The following ATP2C2 variants were observed in gnomAD, a reference collection of about 807,000 sequenced individuals.
ATP2C2 encodes ATPase secretory pathway Ca2+ transporting 2.
ATP2C2 carries 171 observed loss-of-function variants against 110.8 expected under a neutral mutation model. The ratio of observed to expected loss-of-function variants is 1.54; its 90% CI spans 1.36 to 1.75. The LOEUF is 1.75. ATP2C2 is among the 40% of genes most tolerant of loss of function. The pLI is 0.00. For missense variants in ATP2C2, 1,963 were observed against 1,235.0 expected, an observed-to-expected ratio of 1.59 and a Z score of -8.84; for synonymous variants, 804 against 508.4, an observed-to-expected ratio of 1.58 and a Z score of -7.82.
chr16:84,461,337 AT>A, intron 24 of ATP2C2: 3 of 326,880 alleles, frequency 9.2e-6, no homozygotes, highest in Non-Finnish European at 1.7e-5. Flanking sequence ...CCCTGCCTCC[AT>A]TTTCCCTCCA....
chr16:84,409,213 A>C (rs999921408), intron 4 of ATP2C2, among the ~76,000 whole-genome samples: 10 of 152,094 alleles, frequency 6.6e-5, no homozygotes, highest in Non-Finnish European at 1.3e-4. Flanking sequence ...AAAACTAAAC[A>C]CTGCATGATC....
intron 1 of ATP2C2, among the ~76,000 whole-genome samples, chr16:84,384,712 T>C (rs1904298045): frequency 6.6e-6 from 1 of 152,204 alleles, no homozygotes; most frequent in Admixed American, 6.5e-5. Context: ...TGAATGGTGA[T>C]TTTCTAATTC....
chr16:84,458,862 T>A (rs1026789840), intron 21 of ATP2C2, among the ~76,000 whole-genome samples: 9 of 152,142 alleles, frequency 5.9e-5, no homozygotes, highest in African/African-American at 1.9e-4. Context: ...CATGGTCTGA[T>A]TGGAGGCATC....
intron 7 of ATP2C2, among the ~76,000 whole-genome samples, chr16:84,422,161 G>A (rs1054722342): frequency 2.0e-5 from 3 of 151,966 alleles, no homozygotes; most frequent in African/African-American, 7.3e-5. Context: ...TCAAAATTTC[G>A]AACAACATTA....
intron 1 of ATP2C2, among the ~76,000 whole-genome samples, chr16:84,378,019 C>T (rs751563307): frequency 1.7e-4 from 26 of 152,138 alleles, no homozygotes; most frequent in Non-Finnish European, 2.2e-4. Flanking sequence ...TTGTTTGGCC[C>T]ACCTTGAAAC....
chr16:84,410,784 G>A lies in ATP2C2; in HGVS notation c.515+19G>A. 1 of 1,610,928 alleles carries A rather than the reference G, an allele frequency of 6.2e-7. No individual in the cohort carries two copies. The highest frequency in any genetic ancestry group is 8.5e-7 in the Non-Finnish European group (1 of 1,177,258). On this transcript the variant is annotated intron_variant, in intron 6 of 26. Transcript: ENST00000262429. ...GTAACTGGTAAGTCAGAGCCTCCCT[G>A]GGACTTTTTGGTTCACTGGAGGAGC...
At chr16:84,371,690 A>C (rs1252051868) in intron 1 of ATP2C2, among the ~76,000 whole-genome samples, 1 of 152,180 alleles carries the variant, frequency 6.6e-6, no homozygotes, top group African/African-American at 2.4e-5. Context: ...CCATCTCTTA[A>C]GTGAGGCAGG....
intron 1 of ATP2C2, among the ~76,000 whole-genome samples, chr16:84,370,551 G>C (rs755263186): frequency 2.0e-5 from 3 of 152,134 alleles, no homozygotes; most frequent in Non-Finnish European, 2.9e-5. Context: ...TGCCAGGTTG[G>C]CTCAGACCTG....
In ATP2C2 at chr16:84,442,603, G is replaced by C; in HGVS notation, c.1401+4G>C. On this transcript the variant is annotated splice_donor_region_variant and intron_variant, in intron 15 of 26. Coordinates refer to ENST00000262429, the MANE Select transcript of ATP2C2 (RefSeq NM_014861.4). ...ATTGATGGCCCTGGCGATGAAGGTA[G>C]GAGGTCCTGGGGTGGCTCTGCGGGG... 9 of 1,613,740 alleles carry C rather than the reference G, an allele frequency of 5.6e-6. No individual in the cohort carries two copies. Among genetic ancestry groups the C allele is most frequent in the Non-Finnish European group, 7.6e-6 (9 of 1,179,744 alleles).
intron 24 of ATP2C2, 111 bp downstream of exon 24, chr16:84,460,912 T>C (rs1319675825): frequency 2.9e-6 from 4 of 1,383,884 alleles, no homozygotes; most frequent in East Asian, 4.6e-5. Flanking sequence ...GGCAAACATG[T>C]ACACACACCG....
intron 1 of ATP2C2, among the ~76,000 whole-genome samples, chr16:84,389,616 C>G (rs775063856): frequency 6.6e-6 from 1 of 152,064 alleles, no homozygotes; most frequent in African/African-American, 2.4e-5. Context: ...CCTCTAAGGA[C>G]GAGGACTCCT....
chr16:84,444,430 A>G (rs1350924054), intron 15 of ATP2C2, among the ~76,000 whole-genome samples: 2 of 152,138 alleles, frequency 1.3e-5, no homozygotes, highest in Non-Finnish European at 2.9e-5. Flanking sequence ...CCGAGATCGT[A>G]CCATTGCACT....
chr16:84,369,523 C>T (rs1490911477), intron 1 of ATP2C2, among the ~76,000 whole-genome samples: 3 of 151,068 alleles, frequency 2.0e-5, no homozygotes, highest in Admixed American at 6.6e-5. Flanking sequence ...TTTTCATTTA[C>T]GCTTAAGCAG....
At chr16:84,450,265 G>GTGTT (rs1413947810) in intron 17 of ATP2C2, among the ~76,000 whole-genome samples, 1 of 152,286 alleles carries the variant, frequency 6.6e-6, no homozygotes, top group Admixed American at 6.5e-5. Context: ...TTTCCAATCT[G>GTGTT]TGTTTAGTCT....
chr16:84,398,684 A>T, intron 2 of ATP2C2, 75 bp downstream of exon 2: 2 of 1,171,568 alleles, frequency 1.7e-6, no homozygotes, highest in Non-Finnish European at 2.4e-6. Flanking sequence ...CAAAGCCCTG[A>T]ACAGTGCTTT....
chr16:84,460,681 C>A lies in ATP2C2; in HGVS notation c.2361C>A (p.Asp787Glu). ...QSLGVEPVDK[D>E]AFRQPPRSVR... ...TGGGGGTAGAGCCCGTTGACAAAGA[C>A]GCCTTCAGGCAGCCACCACGGAGTG... The change falls in exon 24 of 27, where the codon GAC becomes GAA. Residue 787 changes from aspartate to glutamate, a missense_variant. Physicochemically the swap from Asp to Glu is conservative, Grantham distance 45. Transcript: ENST00000262429. The A allele has an allele frequency of 6.2e-7, 1 of 1,614,244 alleles. No homozygotes were observed. The highest frequency in any genetic ancestry group is 1.1e-5 in the South Asian group (1 of 91,088).
chr16:84,462,326 C>A, intron 26 of ATP2C2, 197 bp downstream of exon 26: 3 of 684,778 alleles, frequency 4.4e-6, no homozygotes, highest in Non-Finnish European at 7.1e-6. Flanking sequence ...TGCACAGAAA[C>A]CCCTAGGAAG....
chr16:84,462,074 C>G lies in ATP2C2; in HGVS notation c.2667C>G (p.Val889=). 3 of 1,614,026 alleles carry G rather than the reference C, an allele frequency of 1.9e-6. No homozygotes were observed. The highest frequency in any genetic ancestry group is 2.5e-6 in the Non-Finnish European group (3 of 1,179,964). Residue 889 remains valine, a synonymous_variant, in exon 26 of 27, where the codon GTC becomes GTG. Coordinates refer to ENST00000262429, the MANE Select transcript of ATP2C2 (RefSeq NM_014861.4). ...VLGSILGQLA[V]IYIPPLQRVF... ...GGTCCATCCTGGGGCAGCTGGCGGT[C>G]ATTTACATCCCCCCGCTGCAGAGGG...
chr16:84,431,877 C>T (rs1156558755), intron 11 of ATP2C2, among the ~76,000 whole-genome samples: 1 of 152,062 alleles, frequency 6.6e-6, no homozygotes, highest in African/African-American at 2.4e-5. Context: ...GTGGGAGCCC[C>T]AGCTTATTAC....
Sources: allele counts gnomAD v4.1 joint callset (sites outside exome capture counted in the v4.1 genomes callset), GRCh38; gene constraint gnomAD v4.1.1; transcripts MANE v1.5; gene names NCBI Gene and HGNC (gene_info 2026-07-23, HGNC 2026-07-21).